FAM221A: variants seen among roughly 807,000 people sequenced by gnomAD.
FAM221A encodes family with sequence similarity 221 member A, also known as protein FAM221A.
FAM221A carries 43 observed loss-of-function variants against 37.6 expected under a neutral mutation model. The ratio of observed to expected loss-of-function variants is 1.15; its 90% CI spans 0.90 to 1.48. The LOEUF is 1.48. Ranked by LOEUF, FAM221A falls within the 40% of genes most tolerant of loss-of-function variation. The probability of loss-of-function intolerance (pLI) is 0.00; values close to 1 mark genes in which losing one functional copy is unlikely to be tolerated. For synonymous variants in FAM221A, 135 were observed against 132.9 expected (o/e 1.02, Z -0.11); for missense variants, 361 against 361.5 (o/e 1.00, Z 0.01).
chr7:23,683,763 C>T (rs1784199316), intron 1 of FAM221A, among the ~76,000 whole-genome samples: 1 of 152,104 alleles, frequency 6.6e-6, no homozygotes, highest in Admixed American at 6.5e-5. Context: ...CTGGATCAAA[C>T]CGATAGTTGG....
intron 5 of FAM221A, among the ~76,000 whole-genome samples, chr7:23,700,027 T>C (rs954921935): frequency 1.1e-4 from 17 of 152,228 alleles, no homozygotes; most frequent in Admixed American, 9.8e-4. Flanking sequence ...TAAGAATCCC[T>C]TCTTACTCTT....
chr7:23,682,368 A>G (rs1198675857), intron 1 of FAM221A, among the ~76,000 whole-genome samples: 1 of 125,446 alleles, frequency 8.0e-6, no homozygotes, highest in Non-Finnish European at 1.6e-5. Context: ...ATCTGGCTTT[A>G]TCATGTGTGT....
intron 6 of FAM221A, among the ~76,000 whole-genome samples, chr7:23,701,730 C>T (rs1048328545): frequency 6.6e-6 from 1 of 152,092 alleles, no homozygotes; most frequent in Non-Finnish European, 1.5e-5. Flanking sequence ...GAAAACTATC[C>T]TTAAAGCAGT....
At position 23,698,059 on chromosome 7, in the gene FAM221A, C is replaced by G. The variant is rs1256189417; in HGVS notation, c.638-133C>G. On this transcript the variant is annotated intron_variant, in intron 4 of 6. Coordinates refer to ENST00000344962, the MANE Select transcript of FAM221A (RefSeq NM_199136.5). ...ACAGGCATGAGCCATTACACCCAGTCTAAAATTTTTTTTTTATAGAAAGAA... is the reference window on the plus strand; with the variant it reads ...ACAGGCATGAGCCATTACACCCAGTGTAAAATTTTTTTTTTATAGAAAGAA... 3 of 599,626 alleles carry G rather than the reference C, an allele frequency of 5.0e-6. No homozygotes were observed. In the African/African-American group the frequency reaches 5.9e-5, roughly 12 times the overall value. The allele number at this position is 599,626 out of a possible 1,614,324, so 37.1% of individuals were successfully genotyped here.
chr7:23,700,704 C>A, intron 5 of FAM221A, 82 bp from the exon 6 acceptor site: 1 of 831,960 alleles, frequency 1.2e-6, no homozygotes, highest in Non-Finnish European at 1.8e-6. Flanking sequence ...TATCACCGAG[C>A]AGGAGAAAAC....
chr7:23,690,177 ATATATATATATATATATATATAT>A (rs916829692), intron 3 of FAM221A, among the ~76,000 whole-genome samples: 2 of 50,434 alleles, frequency 4.0e-5, no homozygotes, highest in Non-Finnish European at 8.4e-5. Context: ...GTTCATATAT[ATATATATATATATATATATATAT>A]TTTTTTTTTT....
intron 3 of FAM221A, among the ~76,000 whole-genome samples, chr7:23,690,199 A>ATATATATTTT (rs774313037): frequency 6.0e-4 from 29 of 48,736 alleles, no homozygotes; most frequent in African/African-American, 1.0e-3. Context: ...ATATATATAT[A>ATATATATTTT]TTTTTTTTTT....
chr7:23,688,246 C>T (rs1327235955), intron 2 of FAM221A: 1 of 151,884 alleles, frequency 6.6e-6, no homozygotes, highest in Non-Finnish European at 1.5e-5. Context: ...GAGGGTTTCA[C>T]CGTGTTAGCC....
Position 23,693,665 on chromosome 7 carries a change from C to T in FAM221A, c.637+2069C>T, listed in dbSNP as rs566926420. 23 of 151,512 alleles carry T rather than the reference C, an allele frequency of 1.5e-4. No individual in the cohort carries two copies. The South Asian group carries it at 2.1e-3, about 14-fold the overall frequency. The allele number at this position is 151,512 out of a possible 1,614,324, so 9.4% of individuals were successfully genotyped here. A position where few individuals can be genotyped will look rare whatever the true frequency, so the allele number is the denominator to read the frequency against. The stretch of plus-strand genomic sequence containing the variant: ...TCAGTTTTATAAATATATTCTCCTG[C>T]GTTTTATTTTAATACTTTTTTATGT... On this transcript the variant is annotated intron_variant, in intron 4 of 6. Coordinates refer to ENST00000344962, the MANE Select transcript of FAM221A (RefSeq NM_199136.5).
rs927487854 is a variant in FAM221A, at chr7:23,702,488, A to G, written c.*324A>G. The stretch of plus-strand genomic sequence containing the variant: ...ATTTAAAAAATTAAAGATATTATCA[A>G]GGGTTTTGGACAAACATATGAGCCA... On this transcript the variant is annotated 3_prime_UTR_variant, in exon 7 of 7. Coordinates refer to ENST00000344962, the MANE Select transcript of FAM221A (RefSeq NM_199136.5). 8 of 165,358 alleles carry G rather than the reference A, an allele frequency of 4.8e-5. No homozygotes were observed. The highest frequency in any genetic ancestry group is 9.1e-5 in the Non-Finnish European group (7 of 76,958). The allele number at this position is 165,358 out of a possible 1,614,324, so 10.2% of individuals were successfully genotyped here. A position where few individuals can be genotyped will look rare whatever the true frequency, so the allele number is the denominator to read the frequency against.
chr7:23,684,092 T>A (rs1346255127), intron 1 of FAM221A, among the ~76,000 whole-genome samples: 5 of 152,146 alleles, frequency 3.3e-5, no homozygotes, highest in Non-Finnish European at 1.5e-5. Context: ...CATGGAGGTT[T>A]GGGGAGTTCC....
intron 2 of FAM221A, among the ~76,000 whole-genome samples, chr7:23,686,054 T>C (rs1784346849): frequency 6.6e-6 from 1 of 152,190 alleles, no homozygotes; most frequent in East Asian, 1.9e-4. Context: ...ATGTTGTATA[T>C]AGATTGATTA....
intron 3 of FAM221A, among the ~76,000 whole-genome samples, chr7:23,689,996 C>T (rs1172226907): frequency 6.6e-6 from 1 of 151,548 alleles, no homozygotes; most frequent in Admixed American, 6.6e-5. Context: ...GAGTGCTAGT[C>T]CATTAGTTTC....
intron 2 of FAM221A, chr7:23,687,069 G>A (rs73079052): frequency 0.061 from 9,333 of 152,342 alleles, 365 homozygotes; most frequent in East Asian, 0.14. Context: ...ACAGGCATGA[G>A]CCACTGTGCC....
At chr7:23,696,007 A>G (rs1351801287) in intron 4 of FAM221A, among the ~76,000 whole-genome samples, 1 of 152,200 alleles carries the variant, frequency 6.6e-6, no homozygotes, top group Non-Finnish European at 1.5e-5. Context: ...ATGTGCCACT[A>G]AATGATGGGG....
At chr7:23,686,432 T>C (rs941150285) in intron 2 of FAM221A, 2 of 304,750 alleles carry the variant, frequency 6.6e-6, no homozygotes, top group Non-Finnish European at 1.3e-5. Context: ...TCCAGCTAAT[T>C]TTTGTATTTT....
chr7:23,682,325 C>T (rs1232660939), intron 1 of FAM221A, among the ~76,000 whole-genome samples: 1 of 151,420 alleles, frequency 6.6e-6, no homozygotes, highest in African/African-American at 2.4e-5. Context: ...CTCAGCCTCC[C>T]AAAGTGCTGG....
chr7:23,691,534 G>A lies in FAM221A; in HGVS notation c.575G>A (p.Gly192Glu). The A allele has an allele frequency of 6.2e-7, 1 of 1,614,196 alleles. No individual in the cohort carries two copies. ...CAGGACATTCCTTATGCAGCCATGG[G>A]AGGATTAACTGGTTTCAGCTCGCTG... ...VGQDIPYAAM[G>E]GLTGFSSLAE... is the part of the protein sequence containing the mutation. Residue 192 changes from glycine (G) to glutamate (E), a missense_variant, in exon 4 of 7, where the codon GGA (glycine) becomes GAA (glutamate). By Grantham distance (98) the Gly-to-Glu change is moderately conservative. Transcript: ENST00000344962.
chr7:23,696,618 T>C (rs1305016839), intron 4 of FAM221A, among the ~76,000 whole-genome samples: 2 of 152,216 alleles, frequency 1.3e-5, no homozygotes, highest in Non-Finnish European at 2.9e-5. Context: ...TACAATCTTA[T>C]GTGGCCACCA....
Sources: allele counts gnomAD v4.1 joint callset (sites outside exome capture counted in the v4.1 genomes callset), GRCh38; gene constraint gnomAD v4.1.1; transcripts MANE v1.5; gene names NCBI Gene and HGNC (gene_info 2026-07-23, HGNC 2026-07-21).